EXPH5: variants seen among roughly 807,000 people sequenced by gnomAD.
EXPH5 encodes exophilin-5.
In EXPH5, 42 loss-of-function variants were observed where a neutral mutation model predicts 41.1. That is an observed-to-expected ratio of 1.02 (90% CI 0.80 to 1.32). The LOEUF (loss-of-function observed/expected upper bound fraction) is 1.32. Ranked by LOEUF, EXPH5 falls within the 40% of genes most tolerant of loss-of-function variation. The pLI is 0.00. For missense variants in EXPH5, 2,298 were observed against 2,314.5 expected (o/e 0.99, Z 0.15); for synonymous variants, 798 against 833.5 (o/e 0.96, Z 0.73).
chr11:108,519,676 A>G (rs1391003989), intron 4 of EXPH5, among the ~76,000 whole-genome samples: 1 of 151,988 alleles, frequency 6.6e-6, no homozygotes, highest in Admixed American at 6.6e-5. Flanking sequence ...TGAACTCGGA[A>G]GGCGGAAGTT....
chr11:108,585,318 T>C (rs1010431606), intron 1 of EXPH5, among the ~76,000 whole-genome samples: 3 of 152,190 alleles, frequency 2.0e-5, no homozygotes, highest in Admixed American at 1.3e-4. Context: ...CCAGAATTCA[T>C]ATGTTGAGCC....
intron 4 of EXPH5, among the ~76,000 whole-genome samples, chr11:108,519,084 C>T (rs764573432): frequency 6.6e-6 from 1 of 152,168 alleles, no homozygotes; most frequent in Non-Finnish European, 1.5e-5. Flanking sequence ...TCTTTTATTC[C>T]TTTACTTTCT....
intron 1 of EXPH5, among the ~76,000 whole-genome samples, chr11:108,570,268 T>A (rs2094054044): frequency 6.6e-6 from 1 of 152,080 alleles, no homozygotes. Context: ...ATTTTTTATT[T>A]TTTTGAGATG....
intron 1 of EXPH5, among the ~76,000 whole-genome samples, chr11:108,574,486 A>G (rs980355999): frequency 2.6e-5 from 4 of 152,240 alleles, no homozygotes; most frequent in Non-Finnish European, 5.9e-5. Flanking sequence ...GGAAATACAC[A>G]GGACAAAAGT....
In EXPH5 at chr11:108,514,793, T is replaced by C. The variant is rs1184040851; in HGVS notation, c.714A>G (p.Ser238=). 1 of 1,605,074 alleles carries C rather than the reference T, an allele frequency of 6.2e-7. No individual in the cohort carries two copies. The highest frequency in any genetic ancestry group is 1.7e-5 in the Admixed American group (1 of 58,074). ...VNTRTPLNYG[S]RTQFGHFYSS... ...AATAAAAGTGACCGAACTGTGTTCT[T>C]GATCCATAGTTGAGGGGTGTTCTGG... The change falls in exon 6 of 6, where the codon TCA becomes TCG. Residue 238 remains serine, a synonymous_variant. Transcript: ENST00000265843.
chr11:108,546,731 A>G (rs540003927), intron 1 of EXPH5, among the ~76,000 whole-genome samples: 1 of 152,242 alleles, frequency 6.6e-6, no homozygotes, highest in South Asian at 2.1e-4. Context: ...TTACTCTCCT[A>G]ATCCAGGACA....
the EXPH5 span, among the ~76,000 whole-genome samples, chr11:108,600,262 C>T: frequency 2.0e-5 from 3 of 152,178 alleles, no homozygotes; most frequent in Admixed American, 1.3e-4. Context: ...ATGCTGCAGT[C>T]TCTTTGCAAC....
intron 1 of EXPH5, among the ~76,000 whole-genome samples, chr11:108,584,499 G>A (rs575472935): frequency 6.6e-6 from 1 of 151,550 alleles, no homozygotes; most frequent in African/African-American, 2.4e-5. Flanking sequence ...AAGGGAGGAA[G>A]CATACTACTT....
At chr11:108,546,419 G>A (rs985769600) in intron 1 of EXPH5, among the ~76,000 whole-genome samples, 4 of 152,092 alleles carry the variant, frequency 2.6e-5, no homozygotes, top group Admixed American at 6.5e-5. Flanking sequence ...TGGGGAAGCT[G>A]GAGAAAAGTG....
chr11:108,514,119 C>T lies in EXPH5; in HGVS notation c.1388G>A (p.Ser463Asn). Residue 463 changes from serine to asparagine, a missense_variant, in exon 6 of 6, where the codon AGC (serine) becomes AAC (asparagine). By Grantham distance (46) the Ser-to-Asn change is conservative (BLOSUM62 1). Transcript: ENST00000265843. Reference protein sequence around the residue: ...QSNTFTRSFFSNTFGRSGEQR... With the variant: ...QSNTFTRSFFNNTFGRSGEQR... ...TTCTCCGCTTCGTCCAAAGGTATTG[C>T]TGAAGAAAGATCTGGTAAATGTGTT... The T allele has an allele frequency of 6.2e-7, 1 of 1,613,590 alleles. No individual in the cohort carries two copies. Among genetic ancestry groups the T allele is most frequent in the East Asian group, 2.2e-5 (1 of 44,882 alleles).
chr11:108,530,388 C>T (rs2093829536), intron 3 of EXPH5, among the ~76,000 whole-genome samples: 1 of 151,886 alleles, frequency 6.6e-6, no homozygotes, highest in Non-Finnish European at 1.5e-5. Flanking sequence ...TTGATAAGGA[C>T]GATGAAGAGG....
upstream of EXPH5, among the ~76,000 whole-genome samples, chr11:108,595,472 A>G (rs1565841210): frequency 6.6e-6 from 1 of 152,230 alleles, no homozygotes; most frequent in Admixed American, 6.5e-5. Flanking sequence ...GCAGAAGTAC[A>G]GTCTAGGAAT....
Position 108,526,736 on chromosome 11 carries a change from A to C in EXPH5, c.492+1400T>G, listed in dbSNP as rs535172327. Among the ~76,000 whole-genome samples, 4 of 152,210 alleles carry C rather than the reference A, an allele frequency of 2.6e-5. No individual in the cohort carries two copies. In the East Asian group the frequency reaches 7.7e-4, roughly 29 times the overall value. On this transcript the variant is annotated intron_variant, in intron 4 of 5. Coordinates refer to ENST00000265843, the MANE Select transcript of EXPH5 (RefSeq NM_015065.3). ...GACTTCATGCTGTGGAGTTCCAAAA[A>C]CCCAGGCTTTCTAATCCTCAGTCTG...
chr11:108,537,894 C>A lies in EXPH5; in HGVS notation c.443+1130G>T, dbSNP rs2093889369. ...TATTTACTGGGCAAGAAACACTTCT[C>A]AATTTTAAATCCCCCAAATGTGAGA... On this transcript the variant is annotated intron_variant, in intron 3 of 5. Coordinates refer to ENST00000265843, the MANE Select transcript of EXPH5 (RefSeq NM_015065.3). The A allele has an allele frequency of 5.1e-6, 4 of 784,462 alleles. No individual in the cohort carries two copies. In the South Asian group the frequency reaches 1.8e-4, roughly 35 times the overall value. The allele number at this position is 784,462 out of a possible 1,614,324, so 48.6% of individuals were successfully genotyped here.
chr11:108,593,528 T>G lies in EXPH5; in HGVS notation c.9A>C (p.Lys3Asn), dbSNP rs2094133686. The change falls in exon 1 of 6, where the codon AAA becomes AAC. Residue 3 changes from lysine to asparagine, a missense_variant. Lys to Asn is a moderately conservative substitution (Grantham distance 94). Coordinates refer to ENST00000265843, the MANE Select transcript of EXPH5 (RefSeq NM_015065.3). The stretch of plus-strand genomic sequence containing the variant: ...AACTGAAATCAAACGCCGGAGGAAC[T>G]TTCGTCATTTTCTTTACTGTGTGTG... MTKVPPAFDFSFL... is the reference protein window; with the variant it reads MTNVPPAFDFSFL... 6.2e-7 allele frequency: 1 copy of G among 1,614,200 alleles called. No homozygotes were observed. Among genetic ancestry groups the G allele is most frequent in the Non-Finnish European group, 8.5e-7 (1 of 1,180,018 alleles).
intron 4 of EXPH5, among the ~76,000 whole-genome samples, chr11:108,527,645 C>A (rs1387665574): frequency 6.6e-6 from 1 of 152,174 alleles, no homozygotes; most frequent in East Asian, 1.9e-4. Flanking sequence ...TTGTCAGCAT[C>A]CGAACATGGT....
intron 3 of EXPH5, among the ~76,000 whole-genome samples, chr11:108,530,805 C>T (rs1299048501): frequency 2.0e-5 from 3 of 152,162 alleles, no homozygotes; most frequent in Non-Finnish European, 2.9e-5. Flanking sequence ...AGCGTGAGGG[C>T]GTGCCGCTAG....
intron 1 of EXPH5, among the ~76,000 whole-genome samples, chr11:108,583,798 C>T (rs1022021836): frequency 6.6e-6 from 1 of 152,112 alleles, no homozygotes; most frequent in African/African-American, 2.4e-5. Flanking sequence ...CAACATCATG[C>T]TTGAAGTCCT....
Position 108,513,921 on chromosome 11 carries a change from T to A in EXPH5, c.1586A>T (p.His529Leu), listed in dbSNP as rs1446236055. ...ATAACCAGAAGAAAATGATTCCCAG[T>A]GTTCAGAAGAAACATTATGGCCATG... ...AIHGHNVSSE[H>L]WESFSSGYGT... Residue 529 changes from histidine (H) to leucine (L), a missense_variant, in exon 6 of 6, where the codon CAC becomes CTC. His to Leu is a moderately conservative substitution (Grantham distance 99). Transcript: ENST00000265843. 1 of 1,608,984 alleles carries A rather than the reference T, an allele frequency of 6.2e-7. No individual in the cohort carries two copies. The highest frequency in any genetic ancestry group is 1.3e-5 in the African/African-American group (1 of 74,792).
Sources: allele counts gnomAD v4.1 joint callset (sites outside exome capture counted in the v4.1 genomes callset), GRCh38; gene constraint gnomAD v4.1.1; transcripts MANE v1.5; gene names NCBI Gene and HGNC (gene_info 2026-07-23, HGNC 2026-07-21).